Variants in HMGN5 observed in about 807,000 individuals in gnomAD.
HMGN5 encodes high mobility group nucleosome-binding domain-containing protein 5.
Under a neutral mutation model 9.5 loss-of-function variants are expected in HMGN5, and 4 were observed. The ratio of observed to expected loss-of-function variants is 0.42; its 90% CI spans 0.21 to 0.96. The LOEUF (loss-of-function observed/expected upper bound fraction) is 0.96, where lower values mean the gene tolerates loss of function less well. Among genes scored for constraint, HMGN5 ranks in the 40% least tolerant of loss-of-function variants. The pLI, the probability that HMGN5 is intolerant of heterozygous loss-of-function variation, is 0.30. For missense variants in HMGN5, 192 were observed against 187.5 expected (o/e 1.02, Z -0.14); for synonymous variants, 55 against 57.1 (o/e 0.96, Z 0.16).
intron 1 of HMGN5, among the ~76,000 whole-genome samples, chrX:81,132,346 G>A (rs1023983820): frequency 1.8e-5 from 2 of 111,467 alleles, no homozygotes; most frequent in Non-Finnish European, 3.8e-5. Flanking sequence ...ATTCTTCACA[G>A]AACTAGAACA....
intron 1 of HMGN5, among the ~76,000 whole-genome samples, chrX:81,193,034 A>G (rs924647731): frequency 8.9e-6 from 1 of 111,773 alleles, no homozygotes; most frequent in African/African-American, 3.3e-5. Flanking sequence ...GAGGCTCCAG[A>G]TGATGCTATC....
intron 1 of HMGN5, among the ~76,000 whole-genome samples, chrX:81,191,833 G>C (rs1015901496): frequency 1.8e-5 from 2 of 111,796 alleles, no homozygotes; most frequent in Admixed American, 9.5e-5. Flanking sequence ...TTTCAGACTG[G>C]GTTGGTGTGG....
intron 1 of HMGN5, among the ~76,000 whole-genome samples, chrX:81,127,759 C>T (rs1464967891): frequency 9.0e-6 from 1 of 111,429 alleles, no homozygotes; most frequent in East Asian, 2.8e-4. Context: ...AACTAGTTGT[C>T]TTTAATCCTC....
intron 1 of HMGN5, among the ~76,000 whole-genome samples, chrX:81,167,145 T>C (rs987381882): frequency 9.0e-6 from 1 of 111,139 alleles, no homozygotes; most frequent in Non-Finnish European, 1.9e-5. Context: ...AACTATCCCC[T>C]TGGAGGGAAT....
At chrX:81,131,709 T>C (rs905441404) in intron 1 of HMGN5, among the ~76,000 whole-genome samples, 1 of 111,381 alleles carries the variant, frequency 9.0e-6, no homozygotes, top group Non-Finnish European at 1.9e-5. Context: ...TTGAATGAAC[T>C]TACCTCAAAG....
intron 1 of HMGN5, among the ~76,000 whole-genome samples, chrX:81,177,941 G>A (rs998485360): frequency 1.8e-5 from 2 of 111,917 alleles, no homozygotes; most frequent in African/African-American, 3.3e-5. Context: ...CATGGAAACC[G>A]AACAACTTGC....
intron 1 of HMGN5, among the ~76,000 whole-genome samples, chrX:81,179,281 A>G (rs2075453197): frequency 8.9e-6 from 1 of 111,849 alleles, no homozygotes; most frequent in Non-Finnish European, 1.9e-5. Flanking sequence ...TGCACATGAC[A>G]TGATTGTATA....
intron 1 of HMGN5, among the ~76,000 whole-genome samples, chrX:81,175,582 T>G (rs755488714): frequency 9.0e-6 from 1 of 111,381 alleles, no homozygotes; most frequent in Non-Finnish European, 1.9e-5. Flanking sequence ...AATATATTGA[T>G]TCCATAACCC....
At chrX:81,201,094 T>C (rs1016755552) in intron 1 of HMGN5, among the ~76,000 whole-genome samples, 2 of 110,859 alleles carry the variant, frequency 1.8e-5, no homozygotes, top group South Asian at 7.7e-4. Context: ...ACAAAGCTAT[T>C]GTAAGCACTG....
chrX:81,117,944 A>C (rs1446206044), intron 5 of HMGN5, among the ~76,000 whole-genome samples: 1 of 110,396 alleles, frequency 9.1e-6, no homozygotes, highest in East Asian at 2.8e-4. Context: ...ATAACACCAG[A>C]GTATATAAGT....
intron 1 of HMGN5, among the ~76,000 whole-genome samples, chrX:81,186,882 T>C (rs933939890): frequency 3.4e-4 from 38 of 111,354 alleles, no homozygotes; most frequent in African/African-American, 1.2e-3. Flanking sequence ...TCTCATAGAT[T>C]TCGGTATGTT....
intron 1 of HMGN5, among the ~76,000 whole-genome samples, chrX:81,138,475 G>A (rs2075317961): frequency 9.0e-6 from 1 of 111,297 alleles, no homozygotes; most frequent in Non-Finnish European, 1.9e-5. Context: ...GAGCCAGTTA[G>A]CAATAGAGAG....
chrX:81,120,711 A>G (rs982068177), intron 2 of HMGN5, among the ~76,000 whole-genome samples: 6 of 111,731 alleles, frequency 5.4e-5, no homozygotes, highest in African/African-American at 2.0e-4. Flanking sequence ...CTAGGGGACT[A>G]AGAAAAAAAC....
chrX:81,159,688 A>ATT (rs754456117), intron 1 of HMGN5, among the ~76,000 whole-genome samples: 8 of 103,782 alleles, frequency 7.7e-5, no homozygotes, highest in South Asian at 4.1e-4. Context: ...GTGAAATTCT[A>ATT]TTTTTTTTTT....
chrX:81,119,891 G>A lies in HMGN5; in HGVS notation c.16-74C>T, dbSNP rs979749955. 8.8e-6 allele frequency: 8 copies of A among 905,198 alleles called. No individual in the cohort carries two copies. In the Admixed American group the frequency reaches 1.4e-4, roughly 16 times the overall value. 74.6% of individuals were successfully genotyped at this position (905,198 alleles called of 1,213,427 possible). On this transcript the variant is annotated intron_variant, in intron 2 of 6. Transcript: ENST00000358130. ...CATAAATCAGAAAATACTGCCTGCG[G>A]ATTACAAATTTCAATATAATTGCTT...
rs936937217 is a variant in HMGN5, at chrX:81,119,927, C to T, written c.16-110G>A. The T allele has an allele frequency of 4.0e-4, 267 of 675,001 alleles. 1 individual carries two copies. Among genetic ancestry groups the T allele is most frequent in the Non-Finnish European group, 5.8e-4 (251 of 435,870 alleles). 55.6% of individuals were successfully genotyped at this position (675,001 alleles called of 1,213,427 possible). Reference sequence around the variant, plus strand: ...TCAATATAATTGCTTATTACTTTCTCCTGGGTTCCTGCTCAAGTAGACACG... The same window carrying T: ...TCAATATAATTGCTTATTACTTTCTTCTGGGTTCCTGCTCAAGTAGACACG... On this transcript the variant is annotated intron_variant, in intron 2 of 6. Transcript: ENST00000358130.
intron 1 of HMGN5, among the ~76,000 whole-genome samples, chrX:81,150,558 C>T (rs753437171): frequency 1.4e-3 from 159 of 111,574 alleles, no homozygotes; most frequent in African/African-American, 5.2e-3. Flanking sequence ...GAGAGTGAAA[C>T]TCTGTCTTGC....
chrX:81,184,598 G>GT (rs1475338618), intron 1 of HMGN5, among the ~76,000 whole-genome samples: 6 of 104,764 alleles, frequency 5.7e-5, no homozygotes, highest in Admixed American at 1.0e-4. Flanking sequence ...CTTTGTTTTT[G>GT]TTTTTTGCTG....
At chrX:81,167,282 T>C (rs2075413544) in intron 1 of HMGN5, among the ~76,000 whole-genome samples, 1 of 110,992 alleles carries the variant, frequency 9.0e-6, no homozygotes, top group South Asian at 3.8e-4. Context: ...AAACTCTTGG[T>C]GCCTCAACAT....
Sources: allele counts gnomAD v4.1 joint callset (sites outside exome capture counted in the v4.1 genomes callset), GRCh38; gene constraint gnomAD v4.1.1; transcripts MANE v1.5; gene names NCBI Gene and HGNC (gene_info 2026-07-23, HGNC 2026-07-21).